NPAS3: variants seen among roughly 807,000 people sequenced by gnomAD.
The protein encoded by NPAS3 is neuronal PAS domain protein 3.
NPAS3 carries 14 observed loss-of-function variants against 73.1 expected under a neutral mutation model. The observed-to-expected ratio is 0.19, with a 90% CI of 0.13 to 0.30. The LOEUF is 0.30. NPAS3 is among the 10% of genes least tolerant of loss of function. The pLI, the probability that NPAS3 is intolerant of heterozygous loss-of-function variation, is 1.00. For synonymous variants in NPAS3, 620 were observed against 541.5 expected, an observed-to-expected ratio of 1.14 and a Z score of -2.01; for missense variants, 1,096 against 1,250.0, an observed-to-expected ratio of 0.88 and a Z score of 1.86.
chr14:33,647,023 G>C (rs538922849), intron 5 of NPAS3, among the ~76,000 whole-genome samples: 1 of 152,152 alleles, frequency 6.6e-6, no homozygotes, highest in African/African-American at 2.4e-5. Flanking sequence ...GAAGTAATGG[G>C]TTTCAATACT....
intron 6 of NPAS3, among the ~76,000 whole-genome samples, chr14:33,700,643 A>G (rs371381627): frequency 3.9e-5 from 6 of 152,342 alleles, no homozygotes; most frequent in African/African-American, 7.2e-5. Flanking sequence ...AGTTGCTCAC[A>G]AATGGAGGTA....
chr14:33,626,240 T>C (rs1192194159), intron 5 of NPAS3, among the ~76,000 whole-genome samples: 1 of 152,202 alleles, frequency 6.6e-6, no homozygotes, highest in Non-Finnish European at 1.5e-5. Flanking sequence ...CTTATTGTAT[T>C]GAAGGTAATA....
intron 4 of NPAS3, among the ~76,000 whole-genome samples, chr14:33,401,039 A>T (rs543851259): frequency 6.6e-6 from 1 of 152,166 alleles, no homozygotes; most frequent in Non-Finnish European, 1.5e-5. Context: ...ATGCAAAGTT[A>T]TAACAGTTCT....
intron 1 of NPAS3, among the ~76,000 whole-genome samples, chr14:33,016,021 T>C (rs1217431176): frequency 6.6e-6 from 1 of 152,130 alleles, no homozygotes; most frequent in African/African-American, 2.4e-5. Context: ...AAACTATCAG[T>C]CGTGTAGGTA....
chr14:33,530,094 C>T (rs1485152168), intron 4 of NPAS3, among the ~76,000 whole-genome samples: 1 of 152,018 alleles, frequency 6.6e-6, no homozygotes, highest in Non-Finnish European at 1.5e-5. Context: ...TCACCGCTCA[C>T]CAAAGTATTA....
At chr14:33,777,222 T>C (rs370152149) in intron 8 of NPAS3, among the ~76,000 whole-genome samples, 1 of 152,160 alleles carries the variant, frequency 6.6e-6, no homozygotes, top group East Asian at 1.9e-4. Context: ...TTAACTGTGC[T>C]TGGAAGATAG....
intron 4 of NPAS3, among the ~76,000 whole-genome samples, chr14:33,371,948 A>G (rs2046108463): frequency 6.6e-6 from 1 of 152,178 alleles, no homozygotes; most frequent in African/African-American, 2.4e-5. Flanking sequence ...TCAAGTTCAC[A>G]TGTCTGTTTA....
chr14:33,346,261 G>GCT (rs903826516), intron 3 of NPAS3, among the ~76,000 whole-genome samples: 2 of 151,246 alleles, frequency 1.3e-5, no homozygotes, highest in African/African-American at 4.9e-5. Context: ...TGGTACAGTG[G>GCT]CTCGTGCCTG....
intron 6 of NPAS3, among the ~76,000 whole-genome samples, chr14:33,680,162 C>T (rs76017567): frequency 6.6e-6 from 1 of 152,118 alleles, no homozygotes; most frequent in Non-Finnish European, 1.5e-5. Context: ...ATGATTCTGC[C>T]ATCTTGGGAT....
intron 3 of NPAS3, among the ~76,000 whole-genome samples, chr14:33,246,537 C>CAAAAA (rs56270689): frequency 6.3e-4 from 65 of 103,112 alleles, no homozygotes; most frequent in Non-Finnish European, 8.4e-4. Context: ...GACTTCATCT[C>CAAAAA]AAAAAAAAAA....
intron 9 of NPAS3, among the ~76,000 whole-genome samples, chr14:33,782,196 C>A (rs552819265): frequency 1.1e-4 from 17 of 152,306 alleles, no homozygotes; most frequent in African/African-American, 2.6e-4. Flanking sequence ...GAATTTTAAA[C>A]CATTCACATT....
At chr14:33,068,819 T>C (rs576447628) in intron 2 of NPAS3, among the ~76,000 whole-genome samples, 21 of 152,204 alleles carry the variant, frequency 1.4e-4, no homozygotes, top group African/African-American at 4.3e-4. Flanking sequence ...GGACAACCAC[T>C]ACAAAGGCGC....
chr14:33,268,929 T>G (rs2040945059), intron 3 of NPAS3, among the ~76,000 whole-genome samples: 1 of 152,174 alleles, frequency 6.6e-6, no homozygotes, highest in Non-Finnish European at 1.5e-5. Flanking sequence ...AATTCACATC[T>G]TCTGTGCCAG....
At chr14:33,399,175 C>T (rs1371927708) in intron 4 of NPAS3, among the ~76,000 whole-genome samples, 1 of 152,084 alleles carries the variant, frequency 6.6e-6, no homozygotes, top group Non-Finnish European at 1.5e-5. Flanking sequence ...ATTTCAGAAG[C>T]ATTGCTGTAA....
At chr14:33,444,416 A>G (rs1267368705) in intron 4 of NPAS3, among the ~76,000 whole-genome samples, 3 of 152,270 alleles carry the variant, frequency 2.0e-5, no homozygotes, top group Non-Finnish European at 4.4e-5. Context: ...CAAACAAAGT[A>G]ACTGTCTTCG....
At position 33,215,103 on chromosome 14, in the gene NPAS3, G is replaced by A; in HGVS notation, c.141-79G>A. On this transcript the variant is annotated intron_variant, in intron 2 of 11. Coordinates refer to ENST00000356141, the Ensembl canonical transcript of NPAS3. Reference sequence around the variant, plus strand: ...TGGTAGAATTTTGGTGGGAAAAAAGGAAATACAAAGAAAGCAGTATTTGAA... The same window carrying A: ...TGGTAGAATTTTGGTGGGAAAAAAGAAAATACAAAGAAAGCAGTATTTGAA... 7 of 1,422,794 alleles carry A rather than the reference G, an allele frequency of 4.9e-6. No homozygotes were observed. In the South Asian group the frequency reaches 6.7e-5, roughly 14 times the overall value. 88.1% of individuals were successfully genotyped at this position (1,422,794 alleles called of 1,614,324 possible).
chr14:33,199,712 C>T (rs894223642), intron 2 of NPAS3, among the ~76,000 whole-genome samples: 6 of 146,980 alleles, frequency 4.1e-5, no homozygotes, highest in African/African-American at 1.5e-4. Context: ...TTTCCCCTCC[C>T]CCTTCTTCTT....
chr14:33,304,109 C>T (rs1340543125), intron 3 of NPAS3, among the ~76,000 whole-genome samples: 1 of 152,060 alleles, frequency 6.6e-6, no homozygotes, highest in Non-Finnish European at 1.5e-5. Context: ...GGGTTCACTA[C>T]CAAGTGTTAA....
At chr14:33,710,326 T>C (rs972270206) in intron 6 of NPAS3, among the ~76,000 whole-genome samples, 5 of 152,124 alleles carry the variant, frequency 3.3e-5, no homozygotes, top group Admixed American at 6.5e-5. Context: ...TCTGAGAAAT[T>C]TGTGAATGGG....
Sources: allele counts gnomAD v4.1 joint callset (sites outside exome capture counted in the v4.1 genomes callset), GRCh38; gene constraint gnomAD v4.1.1; transcripts MANE v1.5; gene names NCBI Gene and HGNC (gene_info 2026-07-23, HGNC 2026-07-21).